The following LDLRAD3 variants were observed in gnomAD, a reference collection of about 807,000 sequenced individuals.
The protein encoded by LDLRAD3 is low density lipoprotein receptor class A domain containing 3.
LDLRAD3 carries 20 observed loss-of-function variants against 29.4 expected under a neutral mutation model. The observed-to-expected ratio is 0.68, with a 90% confidence interval of 0.48 to 0.99. LDLRAD3 has a LOEUF of 0.99. LDLRAD3 is among the 50% of genes least tolerant of loss of function. The pLI is 0.00. For synonymous variants in LDLRAD3, 157 were observed against 192.7 expected (o/e 0.81, Z 1.53); for missense variants, 420 against 454.3 (o/e 0.92, Z 0.69).
At chr11:36,118,299 C>T (rs1400595169) in intron 4 of LDLRAD3, among the ~76,000 whole-genome samples, 1 of 152,098 alleles carries the variant, frequency 6.6e-6, no homozygotes, top group African/African-American at 2.4e-5. Flanking sequence ...ATGGCAAGAA[C>T]TGCGAATGGG....
intron 1 of LDLRAD3, among the ~76,000 whole-genome samples, chr11:36,034,412 G>A (rs1361729217): frequency 6.6e-6 from 1 of 152,140 alleles, no homozygotes; most frequent in Non-Finnish European, 1.5e-5. Flanking sequence ...ACATATAGGG[G>A]TTGATAGATT....
intron 1 of LDLRAD3, among the ~76,000 whole-genome samples, chr11:35,990,780 A>G (rs745553663): frequency 6.6e-6 from 1 of 152,160 alleles, no homozygotes; most frequent in Non-Finnish European, 1.5e-5. Context: ...TGTTATAAGG[A>G]TACCACTCAT....
rs117026508 is a variant in LDLRAD3, at chr11:36,213,389, G to T, written c.455-13696G>T. 2.1e-3 allele frequency among the ~76,000 whole-genome samples: 313 copies of T among 152,334 alleles called. 7 individuals are homozygous for T. The East Asian group carries it at 0.035, about 17-fold the overall frequency. On this transcript the variant is annotated intron_variant, in intron 4 of 5. Coordinates refer to ENST00000315571, the MANE Select transcript of LDLRAD3 (RefSeq NM_174902.4). The surrounding 1 kb of genome is among the most constrained non-coding windows in gnomAD (Gnocchi z 4.1). The stretch of plus-strand genomic sequence containing the variant: ...TCTCTTTTGATTCAGTCATTTGCTG[G>T]TCTGCCCTTTAAATTAAACTTTTTC...
At chr11:35,972,131 A>G (rs376971842) in intron 1 of LDLRAD3, among the ~76,000 whole-genome samples, 5 of 152,124 alleles carry the variant, frequency 3.3e-5, no homozygotes, top group South Asian at 2.1e-4. Context: ...GTGGGTACCA[A>G]TGAGGAGGAG....
At chr11:35,981,771 G>A (rs569114530) in intron 1 of LDLRAD3, among the ~76,000 whole-genome samples, 64 of 152,270 alleles carry the variant, frequency 4.2e-4, no homozygotes, top group Non-Finnish European at 7.9e-4. Context: ...TTTAGCTTTC[G>A]ACAGGAACCA....
At chr11:35,997,852 G>A (rs760502113) in intron 1 of LDLRAD3, among the ~76,000 whole-genome samples, 2 of 152,228 alleles carry the variant, frequency 1.3e-5, no homozygotes, top group African/African-American at 2.4e-5. Context: ...CTGCAAAGTG[G>A]TGGGGCTGGG....
At chr11:35,999,019 A>C (rs57800156) in intron 1 of LDLRAD3, among the ~76,000 whole-genome samples, 2,493 of 152,308 alleles carry the variant, frequency 0.016, 60 homozygotes, top group East Asian at 0.12. Context: ...CACTGTGTAA[A>C]GCCCTGGATG....
At chr11:36,062,514 T>C (rs2133235095) in intron 2 of LDLRAD3, among the ~76,000 whole-genome samples, 1 of 152,296 alleles carries the variant, frequency 6.6e-6, no homozygotes, top group East Asian at 1.9e-4. Flanking sequence ...TCAGTCAGTC[T>C]CAAATCCATC....
At chr11:36,102,187 C>T (rs567503160) in intron 4 of LDLRAD3, among the ~76,000 whole-genome samples, 10 of 152,192 alleles carry the variant, frequency 6.6e-5, no homozygotes, top group African/African-American at 1.4e-4. Flanking sequence ...CGCACCCGGC[C>T]GACCCACTGC....
rs143502393 is a variant in LDLRAD3 at position 36,005,039 on chromosome 11, A to T, written c.47-31064A>T. 4.7e-4 allele frequency among the ~76,000 whole-genome samples: 72 copies of T among 152,318 alleles called. No homozygotes were observed. The East Asian group carries it at 0.012, about 25-fold the overall frequency. On this transcript the variant is annotated intron_variant, in intron 1 of 5. Coordinates refer to ENST00000315571, the MANE Select transcript of LDLRAD3 (RefSeq NM_174902.4). The stretch of plus-strand genomic sequence containing the variant: ...GGAGGGGCTGCTGTGAAGTTCTCTG[A>T]AATGCCCTGGAGACATTTCTCCTGT...
At chr11:36,074,452 A>G (rs908686634) in intron 2 of LDLRAD3, among the ~76,000 whole-genome samples, 2 of 152,198 alleles carry the variant, frequency 1.3e-5, no homozygotes, top group African/African-American at 2.4e-5. Flanking sequence ...GGCAGTGGGA[A>G]CAGAGAGTGC....
chr11:36,172,940 G>A (rs946781332), intron 4 of LDLRAD3, among the ~76,000 whole-genome samples: 5 of 152,148 alleles, frequency 3.3e-5, no homozygotes, highest in African/African-American at 1.2e-4. Context: ...GAATTCAACT[G>A]TGAATCTGTC....
At chr11:36,157,700 A>T (rs2133334290) in intron 4 of LDLRAD3, among the ~76,000 whole-genome samples, 1 of 152,266 alleles carries the variant, frequency 6.6e-6, no homozygotes, top group South Asian at 2.1e-4. Context: ...TCACAGGAAG[A>T]TATAGCCCCT....
intron 1 of LDLRAD3, among the ~76,000 whole-genome samples, chr11:35,992,110 T>C (rs1001782927): frequency 1.3e-5 from 2 of 152,150 alleles, no homozygotes; most frequent in African/African-American, 4.8e-5. Context: ...TTTTGGACAA[T>C]GAAGATGCAT....
At chr11:36,146,625 AC>A (rs1854198336) in intron 4 of LDLRAD3, among the ~76,000 whole-genome samples, 1 of 152,018 alleles carries the variant, frequency 6.6e-6, no homozygotes, top group Non-Finnish European at 1.5e-5. Flanking sequence ...TTCACTGCAT[AC>A]CTTTCTCCTA....
At chr11:36,051,496 TAA>T (rs1453566030) in intron 2 of LDLRAD3, among the ~76,000 whole-genome samples, 1 of 152,220 alleles carries the variant, frequency 6.6e-6, no homozygotes, top group South Asian at 2.1e-4. Flanking sequence ...TGGTGAAGAT[TAA>T]ATGACTCTCT....
chr11:36,046,813 C>G (rs1173172114), intron 2 of LDLRAD3, among the ~76,000 whole-genome samples: 5 of 152,160 alleles, frequency 3.3e-5, no homozygotes, highest in African/African-American at 1.2e-4. Context: ...ATTGTTTTAC[C>G]TCTGCCTTTG....
At chr11:36,191,554 C>G (rs933768934) in intron 4 of LDLRAD3, among the ~76,000 whole-genome samples, 1 of 64,762 alleles carries the variant, frequency 1.5e-5, no homozygotes, top group African/African-American at 7.2e-5. Flanking sequence ...CTCTCTCTCT[C>G]TCTCTCTCTC....
rs60376519 is a variant in LDLRAD3 at position 36,108,319 on chromosome 11, C to CAAAAAAAA, written c.454+9880_454+9887dup. 2.0e-3 allele frequency among the ~76,000 whole-genome samples: 96 copies of CAAAAAAAA among 48,982 alleles called. 3 individuals are homozygous for CAAAAAAAA. The highest frequency in any genetic ancestry group is 2.3e-3 in the Non-Finnish European group (66 of 28,604). 32.1% of individuals were successfully genotyped at this position (48,982 alleles called of 152,430 possible). A position where few individuals can be genotyped will look rare whatever the true frequency, so the allele number is the denominator to read the frequency against. ...TGGGTGACAGAGCGAGACTCCATCT[C>CAAAAAAAA]AAAAAAAAAAAAAAAAAAAAAAAAA... is the stretch of plus-strand genomic sequence containing the variant. On this transcript the variant is annotated intron_variant, in intron 4 of 5. Coordinates refer to ENST00000315571, the MANE Select transcript of LDLRAD3 (RefSeq NM_174902.4).
Sources: allele counts gnomAD v4.1 joint callset (sites outside exome capture counted in the v4.1 genomes callset), GRCh38; gene constraint gnomAD v4.1.1; non-coding constraint Gnocchi (gnomAD v3.1); transcripts MANE v1.5; gene names NCBI Gene and HGNC (gene_info 2026-07-23, HGNC 2026-07-21).